Variants in LVRN observed in about 807,000 individuals in gnomAD.
LVRN encodes the protein aminopeptidase Q.
In LVRN, 99 loss-of-function variants were observed where a neutral mutation model predicts 111.4. The ratio of observed to expected loss-of-function variants is 0.89; its 90% CI spans 0.76 to 1.05. The LOEUF (loss-of-function observed/expected upper bound fraction) is 1.05. Among genes scored for constraint, LVRN ranks in the 50% least tolerant of loss-of-function variants. The probability of loss-of-function intolerance (pLI) is 0.00; values close to 1 mark genes in which losing one functional copy is unlikely to be tolerated. For missense variants in LVRN, 1,414 were observed against 1,206.8 expected (o/e 1.17, Z -2.54); for synonymous variants, 488 against 449.5 (o/e 1.09, Z -1.08).
Position 116,001,200 on chromosome 5 carries a change from A to G in LVRN, c.1781A>G (p.Tyr594Cys), listed in dbSNP as rs765321788. 1.9e-6 allele frequency: 3 copies of G among 1,613,660 alleles called. No homozygotes were observed. The highest frequency in any genetic ancestry group is 2.5e-6 in the Non-Finnish European group (3 of 1,179,948). ...GGCGTCATGAAACAGGAGCCATTTT[A>G]TCTTGAAAACATTAAAAATCGGACT... ...STGVMKQEPF[Y>C]LENIKNRTLL... Residue 594 changes from tyrosine (Y) to cysteine (C), a missense_variant, in exon 10 of 20, where the codon TAT becomes TGT. Physicochemically the swap from Tyr to Cys is radical, Grantham distance 194 (BLOSUM62 -2). Coordinates refer to ENST00000357872, the MANE Select transcript of LVRN (RefSeq NM_173800.5).
At chr5:115,984,444 T>C in intron 2 of LVRN, 126 bp from the exon 3 acceptor site, 1 of 1,188,216 alleles carries the variant, frequency 8.4e-7, no homozygotes, top group South Asian at 1.6e-5. Flanking sequence ...TGGAGAAATC[T>C]GAACTGCTAG....
chr5:115,981,694 C>G (rs1264796103), intron 1 of LVRN, among the ~76,000 whole-genome samples: 1 of 151,986 alleles, frequency 6.6e-6, no homozygotes, highest in Non-Finnish European at 1.5e-5. Context: ...AACTGTTTTT[C>G]TTTTGGAACC....
intron 6 of LVRN, among the ~76,000 whole-genome samples, chr5:115,997,886 C>G (rs1250997386): frequency 1.3e-5 from 2 of 152,130 alleles, no homozygotes; most frequent in East Asian, 3.9e-4. Flanking sequence ...AGAAAGACCT[C>G]TAGGGTGTTG....
At chr5:115,996,279 T>A (rs10519438) in intron 6 of LVRN, among the ~76,000 whole-genome samples, 11,094 of 152,288 alleles carry the variant, frequency 0.073, 499 homozygotes, top group East Asian at 0.19. Flanking sequence ...ATGGTTATTA[T>A]CAATATCTTG....
At position 116,026,223 on chromosome 5, in the gene LVRN, T is replaced by C; in HGVS notation, c.*105T>C. The stretch of plus-strand genomic sequence containing the variant: ...TCTGGAAAACCACACATTTTATTTG[T>C]ATTTCAGTCACATTTATTACTCAGA... On this transcript the variant is annotated 3_prime_UTR_variant, in exon 20 of 20. Coordinates refer to ENST00000357872, the MANE Select transcript of LVRN (RefSeq NM_173800.5). 1 of 1,484,444 alleles carries C rather than the reference T, an allele frequency of 6.7e-7. No homozygotes were observed. The highest frequency in any genetic ancestry group is 1.2e-5 in the South Asian group (1 of 82,174). The allele number at this position is 1,484,444 out of a possible 1,614,324, so 92.0% of individuals were successfully genotyped here. A position where few individuals can be genotyped will look rare whatever the true frequency, so the allele number is the denominator to read the frequency against.
intron 15 of LVRN, among the ~76,000 whole-genome samples, chr5:116,013,164 A>G (rs1447167285): frequency 1.3e-5 from 2 of 152,180 alleles, no homozygotes; most frequent in Non-Finnish European, 1.5e-5. Context: ...TCAGGTTCAA[A>G]TCAATTAGAC....
chr5:116,007,782 C>G (rs185111844), intron 13 of LVRN, among the ~76,000 whole-genome samples: 1 of 152,314 alleles, frequency 6.6e-6, no homozygotes, highest in East Asian at 1.9e-4. Context: ...CATTTTCCAG[C>G]AGCATGTGCT....
At chr5:115,998,164 G>C (rs1185446662) in intron 6 of LVRN, among the ~76,000 whole-genome samples, 1 of 152,084 alleles carries the variant, frequency 6.6e-6, no homozygotes, top group Non-Finnish European at 1.5e-5. Context: ...TGACCTGATG[G>C]GTTATTATGC....
intron 2 of LVRN, among the ~76,000 whole-genome samples, chr5:115,984,204 G>A (rs969779281): frequency 6.6e-6 from 1 of 152,142 alleles, no homozygotes; most frequent in African/African-American, 2.4e-5. Flanking sequence ...ATTGCACCTT[G>A]TTGACCTACC....
chr5:116,004,820 T>C (rs1748325140), intron 12 of LVRN, among the ~76,000 whole-genome samples: 1 of 152,192 alleles, frequency 6.6e-6, no homozygotes, highest in South Asian at 2.1e-4. Flanking sequence ...TAAGTTGATA[T>C]ATGTATTATG....
intron 13 of LVRN, among the ~76,000 whole-genome samples, chr5:116,007,580 C>G (rs1231531211): frequency 3.3e-5 from 5 of 152,092 alleles, no homozygotes; most frequent in Non-Finnish European, 7.3e-5. Flanking sequence ...CCTTTGGGAC[C>G]TTTCATTACT....
chr5:116,022,355 C>A, intron 18 of LVRN, 36 bp from the exon 19 acceptor site: 1 of 1,485,872 alleles, frequency 6.7e-7, no homozygotes, highest in Non-Finnish European at 9.3e-7. Context: ...TTGCAAAATG[C>A]TTTCCACCCT....
chr5:116,008,019 T>C (rs757945715), intron 13 of LVRN, among the ~76,000 whole-genome samples: 5 of 152,172 alleles, frequency 3.3e-5, no homozygotes, highest in Non-Finnish European at 7.4e-5. Context: ...CCCTCTTCTT[T>C]GGCGTTTCCA....
chr5:116,012,359 C>G lies in LVRN; in HGVS notation c.2248-15C>G. On this transcript the variant is annotated splice_polypyrimidine_tract_variant and intron_variant, in intron 14 of 19. Transcript: ENST00000357872. ...CAAGCCAGAACTAACAGTGTATTTT[C>G]TTTATTGTTTATAGAGGTACCTATT... The G allele has an allele frequency of 1.5e-6, 2 of 1,351,516 alleles. No individual in the cohort carries two copies. Among genetic ancestry groups the G allele is most frequent in the Non-Finnish European group, 2.1e-6 (2 of 960,880 alleles). The allele number at this position is 1,351,516 out of a possible 1,614,324, so 83.7% of individuals were successfully genotyped here.
intron 6 of LVRN, among the ~76,000 whole-genome samples, chr5:115,996,357 AC>A (rs1245404120): frequency 2.0e-5 from 3 of 152,098 alleles, no homozygotes; most frequent in Admixed American, 6.6e-5. Flanking sequence ...CTCTTTTTGT[AC>A]CTTTTAATTA....
chr5:115,995,525 G>A (rs978917212), intron 6 of LVRN: 1 of 152,216 alleles, frequency 6.6e-6, no homozygotes, highest in Non-Finnish European at 1.5e-5. Flanking sequence ...TATAGATCAG[G>A]AGACTGAAGT....
intron 1 of LVRN, among the ~76,000 whole-genome samples, chr5:115,965,459 T>C (rs1338255472): frequency 6.6e-6 from 1 of 152,208 alleles, no homozygotes; most frequent in East Asian, 1.9e-4. Context: ...TTTACTAGAA[T>C]TAAAAATTTT....
rs1294045228 is a variant in LVRN, at chr5:115,983,439, G to A, written c.838+10G>A. ...AACATGCCAAAGCTAGGTAAGTAAT[G>A]CTTTCTGTCTATATCTAGCTGTCTA... On this transcript the variant is annotated intron_variant, in intron 2 of 19. Transcript: ENST00000357872. The A allele has an allele frequency of 6.3e-6, 10 of 1,589,282 alleles. No individual in the cohort carries two copies. Among genetic ancestry groups the A allele is most frequent in the Non-Finnish European group, 8.5e-6 (10 of 1,171,796 alleles).
At chr5:115,980,675 AGGTC>A (rs1162455158) in intron 1 of LVRN, among the ~76,000 whole-genome samples, 2 of 152,074 alleles carry the variant, frequency 1.3e-5, no homozygotes, top group African/African-American at 4.8e-5. Context: ...AAGCTTTGTG[AGGTC>A]ATGGCAGCTG....
Sources: gnomAD v4.1 joint callset for allele counts (sites outside exome capture counted in the v4.1 genomes callset) on GRCh38, gnomAD v4.1.1 for gene constraint, MANE v1.5 for transcripts, NCBI Gene and HGNC (gene_info 2026-07-23, HGNC 2026-07-21) for gene names.